Variants in PKIB observed in about 807,000 individuals in gnomAD.
PKIB encodes PKI-beta.
PKIB carries 2 observed loss-of-function variants against 4.5 expected under a neutral mutation model. The ratio of observed to expected loss-of-function variants is 0.44; its 90% confidence interval spans 0.18 to 1.39. PKIB has a LOEUF of 1.39. Among genes scored for constraint, PKIB ranks in the 40% most tolerant of loss-of-function variants. The pLI is 0.27. For synonymous variants in PKIB, 38 were observed against 36.0 expected (o/e 1.06, Z -0.20); for missense variants, 94 against 92.6 (o/e 1.02, Z -0.06).
rs60344840 is a variant in PKIB at position 122,627,070 on chromosome 6, TAA to T, written c.-160-6191_-160-6190del. Among the ~76,000 whole-genome samples, 1,058 of 108,334 alleles carry T rather than the reference TAA, an allele frequency of 9.8e-3. 4 individuals carry two copies. Among genetic ancestry groups the T allele is most frequent in the Admixed American group, 0.014 (144 of 10,622 alleles). 71.1% of individuals were successfully genotyped at this position (108,334 alleles called of 152,430 possible). On this transcript the variant is annotated intron_variant, in intron 1 of 4. Coordinates refer to ENST00000368452, the MANE Select transcript of PKIB (RefSeq NM_181795.3). Reference sequence around the variant, plus strand: ...TAACACGGTGAAACCCCGTCTCTACTAAAAAAAAAAAAAAAAAAAAAAATTAG... The same window carrying T: ...TAACACGGTGAAACCCCGTCTCTACTAAAAAAAAAAAAAAAAAAAAATTAG...
rs1374345186 is a variant in PKIB at position 122,634,274 on chromosome 6, G to A, written c.-76+907G>A. Among the ~76,000 whole-genome samples the A allele has an allele frequency of 1.1e-4, 17 of 150,900 alleles. No individual in the cohort carries two copies. In the East Asian group the frequency reaches 3.1e-3, roughly 27 times the overall value. Reference sequence around the variant, plus strand: ...CCTAATGTAGATGACGGGTTGATGGGTGCAGCAAACCACCATGGCACGTGT... The same window carrying A: ...CCTAATGTAGATGACGGGTTGATGGATGCAGCAAACCACCATGGCACGTGT... On this transcript the variant is annotated intron_variant, in intron 2 of 4. Coordinates refer to ENST00000368452, the MANE Select transcript of PKIB (RefSeq NM_181795.3).
chr6:122,566,411 T>A (rs986156324), intron 2 of PKIB, among the ~76,000 whole-genome samples: 1 of 152,262 alleles, frequency 6.6e-6, no homozygotes, highest in East Asian at 1.9e-4. Context: ...AAGATTTTTT[T>A]AATAACAGGT....
At chr6:122,655,900 A>T (rs942045978) in intron 2 of PKIB, among the ~76,000 whole-genome samples, 1 of 152,110 alleles carries the variant, frequency 6.6e-6, no homozygotes, top group African/African-American at 2.4e-5. Context: ...GTAGCTATTT[A>T]TGTTCTGTCC....
intron 4 of PKIB, among the ~76,000 whole-genome samples, chr6:122,724,391 T>C (rs1277578831): frequency 3.9e-5 from 6 of 152,100 alleles, no homozygotes; most frequent in Non-Finnish European, 7.4e-5. Flanking sequence ...GCAACCAGGG[T>C]GGTTGCATAG....
At chr6:122,495,922 C>T (rs543045778) in intron 2 of PKIB, among the ~76,000 whole-genome samples, 4 of 152,254 alleles carry the variant, frequency 2.6e-5, no homozygotes, top group African/African-American at 9.6e-5. Context: ...CACATGGAGA[C>T]TCATTTCCCC....
chr6:122,552,592 C>G (rs9388092), intron 2 of PKIB, among the ~76,000 whole-genome samples: 24,166 of 151,858 alleles, frequency 0.16, 2,014 homozygotes, highest in East Asian at 0.26. Context: ...TTGCCAGGCT[C>G]GTCTCAAACT....
intron 3 of PKIB, among the ~76,000 whole-genome samples, chr6:122,687,599 G>A (rs909661529): frequency 3.9e-5 from 6 of 152,184 alleles, no homozygotes; most frequent in Admixed American, 1.3e-4. Context: ...TCCAATCCAC[G>A]AACATGGAAT....
intron 2 of PKIB, among the ~76,000 whole-genome samples, chr6:122,485,232 G>A (rs1775731307): frequency 6.7e-6 from 1 of 149,854 alleles, no homozygotes; most frequent in African/African-American, 2.5e-5. Context: ...TTCCTGGAAT[G>A]TGGTAGCTAG....
At chr6:122,637,045 T>C (rs1194736622) in intron 2 of PKIB, among the ~76,000 whole-genome samples, 1 of 152,172 alleles carries the variant, frequency 6.6e-6, no homozygotes, top group African/African-American at 2.4e-5. Flanking sequence ...TTATACAATA[T>C]ACAAATACTT....
chr6:122,704,406 A>T lies in PKIB; in HGVS notation c.-8-13381A>T, dbSNP rs199643627. On this transcript the variant is annotated intron_variant, in intron 3 of 4. Transcript: ENST00000368452. ...AGCCATCACAATTAGCAAACTTCTT[A>T]ACAGCAAAAATAGAATAATGTGGAA... 7.2e-5 allele frequency among the ~76,000 whole-genome samples: 11 copies of T among 152,270 alleles called. No individual in the cohort carries two copies. The East Asian group carries it at 1.9e-3, about 27-fold the overall frequency.
At chr6:122,678,242 T>C (rs1016026245) in intron 3 of PKIB, among the ~76,000 whole-genome samples, 3 of 152,142 alleles carry the variant, frequency 2.0e-5, no homozygotes, top group Non-Finnish European at 4.4e-5. Context: ...AAAGTGCTCT[T>C]AACTGTCCAG....
intron 2 of PKIB, among the ~76,000 whole-genome samples, chr6:122,642,558 T>C (rs549133571): frequency 6.6e-6 from 1 of 152,336 alleles, no homozygotes; most frequent in Non-Finnish European, 1.5e-5. Context: ...TAAAGCTATT[T>C]GCTCCCTCTT....
chr6:122,651,505 CAG>C (rs1485826322), intron 2 of PKIB, among the ~76,000 whole-genome samples: 2 of 152,298 alleles, frequency 1.3e-5, no homozygotes, highest in East Asian at 3.9e-4. Flanking sequence ...TAACCTCAGA[CAG>C]GGGTGAAAAG....
chr6:122,613,959 CAAAA>C (rs67112737), intron 1 of PKIB, among the ~76,000 whole-genome samples: 3 of 77,398 alleles, frequency 3.9e-5, no homozygotes, highest in Non-Finnish European at 6.9e-5. Context: ...GAGACTCCAT[CAAAA>C]AAAAAAAAAA....
At chr6:122,664,171 G>A (rs1344837959) in intron 2 of PKIB, among the ~76,000 whole-genome samples, 1 of 152,168 alleles carries the variant, frequency 6.6e-6, no homozygotes, top group Non-Finnish European at 1.5e-5. Context: ...GTCAGAGATT[G>A]ATTGATGTTT....
intron 2 of PKIB, among the ~76,000 whole-genome samples, chr6:122,662,308 CTTTTTTTTTTTTTTT>C (rs71021412): frequency 3.0e-4 from 4 of 13,262 alleles, no homozygotes; most frequent in African/African-American, 4.5e-4. Flanking sequence ...TCCTTGTCTC[CTTTTTTTTTTTTTTT>C]TTTTTTTTTT....
intron 1 of PKIB, among the ~76,000 whole-genome samples, chr6:122,616,505 A>T (rs140276685): frequency 2.0e-5 from 3 of 152,132 alleles, no homozygotes; most frequent in Non-Finnish European, 4.4e-5. Flanking sequence ...ACAGTGTCCA[A>T]TTAATTTTTG....
At chr6:122,561,994 G>A (rs201668674) in intron 2 of PKIB, among the ~76,000 whole-genome samples, 1 of 40,902 alleles carries the variant, frequency 2.4e-5, no homozygotes. Flanking sequence ...GTTTGTTTTT[G>A]TTTTTTTTTG....
At chr6:122,624,366 A>C (rs1775351957) in intron 1 of PKIB, among the ~76,000 whole-genome samples, 1 of 152,198 alleles carries the variant, frequency 6.6e-6, no homozygotes, top group African/African-American at 2.4e-5. Context: ...ACATTCTATG[A>C]ACATGAAACA....
Sources: gnomAD v4.1 joint callset for allele counts (sites outside exome capture counted in the v4.1 genomes callset) on GRCh38, gnomAD v4.1.1 for gene constraint, MANE v1.5 for transcripts, NCBI Gene and HGNC (gene_info 2026-07-23, HGNC 2026-07-21) for gene names.